Variants in SRRT observed in about 807,000 individuals in gnomAD.
SRRT encodes the protein serrate RNA effector molecule homolog.
In SRRT, 32 loss-of-function variants were observed where a neutral mutation model predicts 103.2. The observed-to-expected ratio is 0.31, with a 90% CI of 0.23 to 0.42. The LOEUF (loss-of-function observed/expected upper bound fraction) is 0.42, where lower values mean the gene tolerates loss of function less well. Among genes scored for constraint, SRRT ranks in the 10% least tolerant of loss-of-function variants. SRRT has a pLI of 1.00. For synonymous variants in SRRT, 525 were observed against 449.0 expected (o/e 1.17, Z -2.14); for missense variants, 986 against 1,207.5 (o/e 0.82, Z 2.72).
intron 5 of SRRT, among the ~76,000 whole-genome samples, chr7:100,883,846 A>C (rs1173133153): frequency 6.6e-6 from 1 of 152,048 alleles, no homozygotes; most frequent in Non-Finnish European, 1.5e-5. Flanking sequence ...CAGAGCTCTT[A>C]GTTCCTGGTT....
chr7:100,878,900 T>C lies in SRRT; in HGVS notation c.123-2385T>C, dbSNP rs77469060. On this transcript the variant is annotated intron_variant, in intron 2 of 19. Coordinates refer to ENST00000611405, the MANE Select transcript of SRRT (RefSeq NM_015908.6). ...TTCTTCCTTCCTTCCTTTTCTTTTC[T>C]TTTCCTTTCTTTTCTTTTCTTTTCC... Among the ~76,000 whole-genome samples the C allele has an allele frequency of 2.7e-5, 4 of 149,850 alleles. No individual in the cohort carries two copies. The East Asian group carries it at 6.0e-4, about 22-fold the overall frequency.
At chr7:100,876,352 A>G (rs1376570162) in intron 2 of SRRT, among the ~76,000 whole-genome samples, 4 of 152,060 alleles carry the variant, frequency 2.6e-5, no homozygotes, top group East Asian at 1.9e-4. Flanking sequence ...GGGTTTCACC[A>G]TGTTGGCTAG....
In SRRT at chr7:100,886,122, C is replaced by T. The variant is rs546792356; in HGVS notation, c.1459-125C>T. ...TTAGCATGGACGGAACCTATGTGGT[C>T]CCCGTCCCCAGGGAGCTCGCAGTCT... On this transcript the variant is annotated intron_variant, in intron 12 of 19. Coordinates refer to ENST00000611405, the MANE Select transcript of SRRT (RefSeq NM_015908.6). The T allele has an allele frequency of 2.8e-5, 35 of 1,265,822 alleles. No individual in the cohort carries two copies. In the African/African-American group the frequency reaches 4.0e-4, roughly 15 times the overall value. The allele number at this position is 1,265,822 out of a possible 1,614,324, so 78.4% of individuals were successfully genotyped here. A position where few individuals can be genotyped will look rare whatever the true frequency, so the allele number is the denominator to read the frequency against.
Position 100,885,774 on chromosome 7 carries a change from G to A in SRRT, c.1379+12G>A, listed in dbSNP as rs375618474. 6.5e-5 allele frequency: 105 copies of A among 1,613,998 alleles called. No individual in the cohort carries two copies. In the Admixed American group the frequency reaches 1.1e-3, roughly 17 times the overall value. On this transcript the variant is annotated intron_variant, in intron 11 of 19. Coordinates refer to ENST00000611405, the MANE Select transcript of SRRT (RefSeq NM_015908.6). This position sits in a 1 kb window ranked among gnomAD's most constrained non-coding sequence, Gnocchi z 4.8. ...CAGCCAGAGAGGAGGTGAGTAACTC[G>A]GTGCGTTGGAGGGAAAAGTGCAGGG... is the stretch of plus-strand genomic sequence containing the variant.
chr7:100,875,435 C>T (rs763806124), intron 1 of SRRT, 107 bp downstream of exon 1: 2 of 1,472,904 alleles, frequency 1.4e-6, no homozygotes, highest in Admixed American at 2.2e-5. Flanking sequence ...GTTGGAGCCG[C>T]GTTCTCAGGC....
chr7:100,881,916 TG>T, intron 4 of SRRT, 111 bp downstream of exon 4: 2 of 1,479,956 alleles, frequency 1.4e-6, no homozygotes, highest in East Asian at 2.3e-5. Flanking sequence ...GGCATGTCCC[TG>T]GGGTAGGGGT....
chr7:100,888,643 T>G lies in SRRT; in HGVS notation c.*94T>G. ...TTTTTTGTACGATCAGCCTTACTGC[T>G]AATAAAAGCACTTCCACAGGGCTCC... On this transcript the variant is annotated 3_prime_UTR_variant, in exon 20 of 20. Transcript: ENST00000611405. 6.5e-7 allele frequency: 1 copy of G among 1,530,528 alleles called. No homozygotes were observed. Among genetic ancestry groups the G allele is most frequent in the Non-Finnish European group, 9.0e-7 (1 of 1,105,706 alleles). The allele number at this position is 1,530,528 out of a possible 1,614,324, so 94.8% of individuals were successfully genotyped here.
At chr7:100,880,673 A>G (rs1816217404) in intron 2 of SRRT, 3 of 420,948 alleles carry the variant, frequency 7.1e-6, no homozygotes, top group South Asian at 3.3e-5. Context: ...TGATTTTTAA[A>G]AAGTTTTCTG....
Position 100,882,314 on chromosome 7 carries a change from G to A in SRRT, c.587+73G>A. 2.0e-6 allele frequency: 3 copies of A among 1,520,596 alleles called. No individual in the cohort carries two copies. The highest frequency in any genetic ancestry group is 2.7e-6 in the Non-Finnish European group (3 of 1,119,988). 94.2% of individuals were successfully genotyped at this position (1,520,596 alleles called of 1,614,324 possible). A position where few individuals can be genotyped will look rare whatever the true frequency, so the allele number is the denominator to read the frequency against. ...GCCCCGCTGGTGGAGCCACAGCCCT[G>A]TCCTCTTCCCAGTTTTCCCTGTCCA... On this transcript the variant is annotated intron_variant, in intron 5 of 19. Transcript: ENST00000611405. This position sits in a 1 kb window ranked among gnomAD's most constrained non-coding sequence, Gnocchi z 4.2.
At position 100,888,266 on chromosome 7, in the gene SRRT, T is replaced by C. The variant is rs1052257741; in HGVS notation, c.2438T>C (p.Val813Ala). 1 of 1,608,482 alleles carries C rather than the reference T, an allele frequency of 6.2e-7. No individual in the cohort carries two copies. The highest frequency in any genetic ancestry group is 1.3e-5 in the African/African-American group (1 of 74,808). Reference sequence around the variant, plus strand: ...CTGATCTCTGTCATAGCTGGTGCTGTCCGCCCTGCAGTCCCCACAGGAGGC... The same window carrying C: ...CTGATCTCTGTCATAGCTGGTGCTGCCCGCCCTGCAGTCCCCACAGGAGGC... ...PPILGYGAGA[V>A]RPAVPTGGPP... The change falls in exon 19 of 20, where the codon GTC (valine) becomes GCC (alanine). Residue 813 changes from valine (V) to alanine (A), a missense_variant. This residue lies in a region of SRRT where 178 missense variants were observed against 189.6 expected (regional missense o/e 0.94). Coordinates refer to ENST00000611405, the MANE Select transcript of SRRT (RefSeq NM_015908.6).
intron 2 of SRRT, 51 bp from the exon 3 acceptor site, chr7:100,881,234 A>C (rs766678160): frequency 6.3e-7 from 1 of 1,579,046 alleles, no homozygotes. Flanking sequence ...GATTACAGGC[A>C]TGAGCCACTG....
rs968572184 is a variant in SRRT at position 100,875,141 on chromosome 7, A to C, written c.-206A>C. On this transcript the variant is annotated 5_prime_UTR_variant, in exon 1 of 20. Transcript: ENST00000611405. The stretch of plus-strand genomic sequence containing the variant: ...TCGGAGGCGTGGGTGACGCAGGCGC[A>C]GCGCGGGCTGCGCGCGCTACTGCCC... 1.2e-5 allele frequency: 2 copies of C among 160,828 alleles called. No individual in the cohort carries two copies. The allele number at this position is 160,828 out of a possible 1,614,324, so 10.0% of individuals were successfully genotyped here.
chr7:100,882,503 TGGGGCAGCAGACAGACTGCTTCCCACTTG>T lies in SRRT; in HGVS notation c.587+263_587+291del, dbSNP rs1789677073. The T allele has an allele frequency of 2.6e-6, 1 of 391,524 alleles. No homozygotes were observed. The highest frequency in any genetic ancestry group is 2.1e-5 in the African/African-American group (1 of 48,346). The allele number at this position is 391,524 out of a possible 1,614,324, so 24.3% of individuals were successfully genotyped here. On this transcript the variant is annotated intron_variant, in intron 5 of 19. Transcript: ENST00000611405. The surrounding 1 kb of genome is among the most constrained non-coding windows in gnomAD (Gnocchi z 4.2). ...AGCAGGCCAGAGCCACTTGGCCCCT[TGGGGCAGCAGACAGACTGCTTCCCACTTG>T]TTGGTGTTGGGTCATTGTCATCCCT...
At position 100,885,841 on chromosome 7, in the gene SRRT, T is replaced by C. The variant is rs1156705477; in HGVS notation, c.1380-22T>C. 1.9e-6 allele frequency: 3 copies of C among 1,614,124 alleles called. No homozygotes were observed. The highest frequency in any genetic ancestry group is 1.1e-5 in the South Asian group (1 of 91,082). ...CACCAACTCCCTCGCTTGACTATGC[T>C]AACATTTTCTTTCTTGTGTAGGTTT... On this transcript the variant is annotated intron_variant, in intron 11 of 19. Transcript: ENST00000611405. The surrounding 1 kb of genome is among the most constrained non-coding windows in gnomAD (Gnocchi z 4.8).
intron 2 of SRRT, among the ~76,000 whole-genome samples, chr7:100,878,206 G>A (rs996335171): frequency 3.3e-5 from 5 of 152,106 alleles, no homozygotes; most frequent in Admixed American, 1.3e-4. Flanking sequence ...CGGCAACTCC[G>A]GAGGCTGAGG....
At chr7:100,876,923 A>T (rs370063935) in intron 2 of SRRT, among the ~76,000 whole-genome samples, 1 of 152,278 alleles carries the variant, frequency 6.6e-6, no homozygotes, top group African/African-American at 2.4e-5. Context: ...AGTTGTGGAC[A>T]TAACGTGTGA....
chr7:100,884,950 A>G lies in SRRT; in HGVS notation c.1069A>G (p.Ser357Gly). Residue 357 changes from serine to glycine, a missense_variant, in exon 9 of 20, where the codon AGT (serine) becomes GGT (glycine). This residue lies in a region of SRRT where 166 missense variants were observed against 148.6 expected (regional missense o/e 1.12). Transcript: ENST00000611405. ...KSSKKRNRKH[S>G]GDDSFDEGSV... is the part of the protein sequence containing the mutation. ...TAGCAAGAAGCGGAACCGGAAGCAC[A>G]GTGGTGACGACAGCTTTGACGAGGG... 2 of 1,614,086 alleles carry G rather than the reference A, an allele frequency of 1.2e-6. No homozygotes were observed. Among genetic ancestry groups the G allele is most frequent in the African/African-American group, 2.7e-5 (2 of 75,018 alleles).
At chr7:100,878,905 CTTTCTTTTCT>C (rs879758743) in intron 2 of SRRT, among the ~76,000 whole-genome samples, 5 of 151,740 alleles carry the variant, frequency 3.3e-5, no homozygotes, top group East Asian at 3.9e-4. Flanking sequence ...TTTTCTTTTC[CTTTCTTTTCT>C]TTTCTTTTCC....
At chr7:100,886,488 G>A in intron 13 of SRRT, 53 bp downstream of exon 13, 1 of 1,531,620 alleles carries the variant, frequency 6.5e-7, no homozygotes, top group East Asian at 2.4e-5. Flanking sequence ...TGCCTCTGCT[G>A]TGGGCACCTC....
Sources: allele counts gnomAD v4.1 joint callset (sites outside exome capture counted in the v4.1 genomes callset), GRCh38; gene constraint gnomAD v4.1.1; regional missense constraint gnomAD v4.1.1; non-coding constraint Gnocchi (gnomAD v3.1); transcripts MANE v1.5; gene names NCBI Gene and HGNC (gene_info 2026-07-23, HGNC 2026-07-21).